The following PIAS4 variants were observed in gnomAD, a reference collection of about 807,000 sequenced individuals.
PIAS4 encodes the protein protein inhibitor of activated STAT 4.
Under a neutral mutation model 58.0 loss-of-function variants are expected in PIAS4, and 7 were observed. The observed-to-expected ratio is 0.12, with a 90% CI of 0.07 to 0.23. PIAS4 has a LOEUF of 0.23. Ranked by LOEUF, PIAS4 falls within the 10% of genes least tolerant of loss-of-function variation. The probability of loss-of-function intolerance (pLI) is 1.00; values close to 1 mark genes in which losing one functional copy is unlikely to be tolerated. For synonymous variants in PIAS4, 364 were observed against 312.4 expected, an observed-to-expected ratio of 1.17 and a Z score of -1.74; for missense variants, 550 against 709.5, an observed-to-expected ratio of 0.78 and a Z score of 2.55.
rs370324504 is a variant in PIAS4, at chr19:4,037,350, C to T, written c.1143-24C>T. 1.0e-5 allele frequency: 16 copies of T among 1,587,630 alleles called. No homozygotes were observed. The highest frequency in any genetic ancestry group is 6.7e-5 in the African/African-American group (5 of 74,358). ...GGGGGTGGGGCACCTCCAGCCCCGG[C>T]GTCAGCTGTCCGCCTCGCCCCAGGC... is the stretch of plus-strand genomic sequence containing the variant. On this transcript the variant is annotated intron_variant, in intron 9 of 10. Transcript: ENST00000262971. The surrounding 1 kb of genome is among the most constrained non-coding windows in gnomAD (Gnocchi z 5.8).
chr19:4,024,221 G>T (rs1313383395), intron 3 of PIAS4, 101 bp downstream of exon 3: 2 of 861,530 alleles, frequency 2.3e-6, no homozygotes, highest in African/African-American at 1.7e-5. Context: ...TGCAGGCCTC[G>T]CTCGGGCTCA....
At chr19:4,023,731 G>C (rs1233663839) in intron 2 of PIAS4, among the ~76,000 whole-genome samples, 1 of 152,206 alleles carries the variant, frequency 6.6e-6, no homozygotes, top group Non-Finnish European at 1.5e-5. Context: ...CTCCCCGCCA[G>C]GCAGCTCGGC....
In PIAS4 at chr19:4,012,979, C is replaced by G; in HGVS notation, c.84C>G (p.Gly28=). ...TTCAGATGCTCCTGGGTTTCGTGGG[C>G]CGGAGTAAGAGTGGACTGAAGCACG... ...SDLQMLLGFV[G]RSKSGLKHEL... is the part of the protein sequence containing the mutation. Residue 28 remains glycine (G), a synonymous_variant, in exon 2 of 11, where the codon GGC becomes GGG. Transcript: ENST00000262971. 6.2e-7 allele frequency: 1 copy of G among 1,613,654 alleles called. No individual in the cohort carries two copies.
chr19:4,030,281 CAATG>C (rs2040211141), intron 7 of PIAS4, among the ~76,000 whole-genome samples: 2 of 149,102 alleles, frequency 1.3e-5, no homozygotes, highest in Admixed American at 1.3e-4. Context: ...GTCCTTGTAA[CAATG>C]AAAACAATTT....
At chr19:4,034,328 G>T (rs1180978736) in intron 9 of PIAS4, among the ~76,000 whole-genome samples, 1 of 152,174 alleles carries the variant, frequency 6.6e-6, no homozygotes, top group South Asian at 2.1e-4. Context: ...GCAGGTGAAG[G>T]CAGGGCTGGC....
chr19:4,033,211 TGCGGCCGGCCTTCCCCCCTG>T (rs1054245807), intron 8 of PIAS4, 38 bp downstream of exon 8: 1 of 1,573,868 alleles, frequency 6.4e-7, no homozygotes, highest in Admixed American at 1.7e-5. Flanking sequence ...AGGCCTCTCC[TGCGGCCGGCCTTCCCCCCTG>T]GCGGCCCTGG....
intron 9 of PIAS4, among the ~76,000 whole-genome samples, chr19:4,036,041 T>TATAA (rs2040277482): frequency 2.8e-4 from 1 of 3,542 alleles, no homozygotes; most frequent in Non-Finnish European, 7.0e-4. Context: ...CACACCGTCA[T>TATAA]ACACACACAC....
rs2040336500 is a variant in PIAS4, at chr19:4,039,275, A to G, written c.*1400A>G. On this transcript the variant is annotated 3_prime_UTR_variant, in exon 11 of 11. Coordinates refer to ENST00000262971, the MANE Select transcript of PIAS4 (RefSeq NM_015897.4). The stretch of plus-strand genomic sequence containing the variant: ...CTGCAGAGCCCGCAGCCCGCTGCGC[A>G]GCTCGGCCCCTCCCGCCCGCACGGG... The G allele has an allele frequency of 6.6e-6, 1 of 152,274 alleles. No homozygotes were observed. Among genetic ancestry groups the G allele is most frequent in the African/African-American group, 2.4e-5 (1 of 41,472 alleles). The allele number at this position is 152,274 out of a possible 1,614,324, so 9.4% of individuals were successfully genotyped here.
intron 2 of PIAS4, among the ~76,000 whole-genome samples, chr19:4,022,356 G>T (rs2040118472): frequency 6.6e-6 from 1 of 151,656 alleles, no homozygotes; most frequent in African/African-American, 2.4e-5. Context: ...GTTGTTTTTG[G>T]TGGTTTTTTT....
rs895178731 is a variant in PIAS4, at chr19:4,037,065, G to A, written c.1143-309G>A. Among the ~76,000 whole-genome samples the A allele has an allele frequency of 8.6e-5, 13 of 151,718 alleles. No homozygotes were observed. Among genetic ancestry groups the A allele is most frequent in the South Asian group, 4.1e-4 (2 of 4,826 alleles). Reference sequence around the variant, plus strand: ...CGGAGGTGCCCAGAGGGGCAGGGTGGGGAGGACCCCTGCAGCTGCCACACT... The same window carrying A: ...CGGAGGTGCCCAGAGGGGCAGGGTGAGGAGGACCCCTGCAGCTGCCACACT... On this transcript the variant is annotated intron_variant, in intron 9 of 10. Coordinates refer to ENST00000262971, the MANE Select transcript of PIAS4 (RefSeq NM_015897.4). The surrounding 1 kb of genome is among the most constrained non-coding windows in gnomAD (Gnocchi z 5.8).
chr19:4,028,097 C>G (rs1303193291), intron 3 of PIAS4, 49 bp from the exon 4 acceptor site: 11 of 1,592,780 alleles, frequency 6.9e-6, no homozygotes, highest in Non-Finnish European at 9.5e-6. Context: ...GTCACGCCCT[C>G]CTCACTCAGC....
At chr19:4,032,977 T>C in intron 7 of PIAS4, 123 bp from the exon 8 acceptor site, 1 of 766,068 alleles carries the variant, frequency 1.3e-6, no homozygotes, top group Non-Finnish European at 2.2e-6. Flanking sequence ...CAGCGAAGCT[T>C]GGGACTCATC....
At chr19:4,029,707 G>C (rs2144932608) in intron 7 of PIAS4, among the ~76,000 whole-genome samples, 1 of 151,836 alleles carries the variant, frequency 6.6e-6, no homozygotes, top group South Asian at 2.1e-4. Context: ...GTGCAGTGGT[G>C]GGATCGTGGC....
intron 2 of PIAS4, among the ~76,000 whole-genome samples, chr19:4,017,111 G>A (rs943135291): frequency 1.3e-5 from 2 of 152,196 alleles, no homozygotes; most frequent in Non-Finnish European, 2.9e-5. Context: ...CCACATGTGG[G>A]GTAGTCTGAC....
chr19:4,022,704 A>G (rs1001138210), intron 2 of PIAS4, among the ~76,000 whole-genome samples: 6 of 150,102 alleles, frequency 4.0e-5, no homozygotes, highest in African/African-American at 1.5e-4. Context: ...TTTTTTGGAA[A>G]CAGTCTCACT....
rs201184367 is a variant in PIAS4 at position 4,037,749 on chromosome 19, G to T, written c.1407G>T (p.Thr469=). 6.2e-7 allele frequency: 1 copy of T among 1,610,190 alleles called. No individual in the cohort carries two copies. The highest frequency in any genetic ancestry group is 2.2e-5 in the East Asian group (1 of 44,780). The change falls in exon 11 of 11, where the codon ACG becomes ACT. Residue 469 remains threonine (T), a synonymous_variant. Coordinates refer to ENST00000262971, the MANE Select transcript of PIAS4 (RefSeq NM_015897.4). The surrounding 1 kb of genome is among the most constrained non-coding windows in gnomAD (Gnocchi z 5.8). ...CGGGCGCCGATGTGGTGGACCTCAC[G>T]CTGGACAGCTCATCGTCCTCGGAGG... ...GKPGADVVDL[T]LDSSSSSEDE...
chr19:4,007,755 A>G lies in PIAS4; in HGVS notation c.-6A>G, dbSNP rs1388055793. The G allele has an allele frequency of 4.9e-6, 6 of 1,215,946 alleles. No individual in the cohort carries two copies. Among genetic ancestry groups the G allele is most frequent in the Non-Finnish European group, 6.2e-6 (6 of 971,104 alleles). The allele number at this position is 1,215,946 out of a possible 1,614,324, so 75.3% of individuals were successfully genotyped here. ...GCTCCCGGCGCGGGGGACGCTGGTG[A>G]CCAAGATGGCGGCGGAGCTGGTGGA... is the stretch of plus-strand genomic sequence containing the variant. On this transcript the variant is annotated 5_prime_UTR_variant, in exon 1 of 11. Coordinates refer to ENST00000262971, the MANE Select transcript of PIAS4 (RefSeq NM_015897.4).
chr19:4,020,181 G>T (rs1424010227), intron 2 of PIAS4, among the ~76,000 whole-genome samples: 1 of 152,214 alleles, frequency 6.6e-6, no homozygotes, highest in Admixed American at 6.5e-5. Context: ...CTCCCAAAGT[G>T]CTGGGATTAC....
Position 4,013,172 on chromosome 19 carries a change from G to A in PIAS4, c.277G>A (p.Ala93Thr). The change falls in exon 2 of 11, where the codon GCC becomes ACC. Residue 93 changes from alanine to threonine, a missense_variant. Ala to Thr is a moderately conservative substitution (Grantham distance 58, BLOSUM62 0). Transcript: ENST00000262971. This position sits in a 1 kb window ranked among gnomAD's most constrained non-coding sequence, Gnocchi z 5.1. ...GACCATGCACTCCACCTACGACCGG[G>A]CCGGCGCTGTGCCCAGGACTCCGCT... ...PLTMHSTYDRAGAVPRTPLAG... is the reference protein window; with the variant it reads ...PLTMHSTYDRTGAVPRTPLAG... 1 of 1,613,468 alleles carries A rather than the reference G, an allele frequency of 6.2e-7. No homozygotes were observed.
Sources: allele counts gnomAD v4.1 joint callset (sites outside exome capture counted in the v4.1 genomes callset), GRCh38; gene constraint gnomAD v4.1.1; non-coding constraint Gnocchi (gnomAD v3.1); transcripts MANE v1.5; gene names NCBI Gene and HGNC (gene_info 2026-07-23, HGNC 2026-07-21).